FBXL13: variants seen among roughly 807,000 people sequenced by gnomAD.
FBXL13 encodes the protein F-box and leucine rich repeat protein 13.
Under a neutral mutation model 83.6 loss-of-function variants are expected in FBXL13, and 67 were observed. The ratio of observed to expected loss-of-function variants is 0.80; its 90% CI spans 0.66 to 0.98. The LOEUF (loss-of-function observed/expected upper bound fraction) is 0.98. Ranked by LOEUF, FBXL13 falls within the 50% of genes least tolerant of loss-of-function variation. FBXL13 has a pLI of 0.00. For missense variants in FBXL13, 822 were observed against 866.5 expected (o/e 0.95, Z 0.64); for synonymous variants, 272 against 299.5 (o/e 0.91, Z 0.95).
At chr7:103,061,810 C>G (rs1401913198) in intron 1 of FBXL13, among the ~76,000 whole-genome samples, 1 of 151,690 alleles carries the variant, frequency 6.6e-6, no homozygotes, top group African/African-American at 2.4e-5. Context: ...TGGTGGCAGG[C>G]GCCGGTAGTC....
chr7:102,974,115 G>T (rs956588987), intron 6 of FBXL13, among the ~76,000 whole-genome samples: 2 of 152,186 alleles, frequency 1.3e-5, no homozygotes, highest in African/African-American at 4.8e-5. Context: ...ACCTGGCCAG[G>T]TGCGGTGGCT....
At position 103,037,843 on chromosome 7, in the gene FBXL13, G is replaced by C. The variant is rs146884773; in HGVS notation, c.1-8425C>G. On this transcript the variant is annotated intron_variant, in intron 2 of 19. Coordinates refer to ENST00000313221, the Ensembl canonical transcript of FBXL13. ...TTTTGGGCATGCTTCCAAGATGGCC[G>C]AATAGAAACAGCTCCGGTCTGCAGC... is the stretch of plus-strand genomic sequence containing the variant. 2.2e-3 allele frequency among the ~76,000 whole-genome samples: 330 copies of C among 152,136 alleles called. 2 individuals are homozygous for C. Among genetic ancestry groups the C allele is most frequent in the African/African-American group, 7.5e-3 (313 of 41,528 alleles).
intron 6 of FBXL13, among the ~76,000 whole-genome samples, chr7:103,023,288 A>G (rs1793438106): frequency 6.6e-6 from 1 of 152,028 alleles, no homozygotes; most frequent in African/African-American, 2.4e-5. Context: ...ACAAAACAAA[A>G]CAAAACAGAA....
chr7:102,837,044 AT>A (rs1404375150), intron 17 of FBXL13, among the ~76,000 whole-genome samples: 1 of 152,250 alleles, frequency 6.6e-6, no homozygotes, highest in Non-Finnish European at 1.5e-5. Context: ...AAAGGCTAAA[AT>A]GCAACTTCCA....
At chr7:102,960,469 C>A (rs547826596) in intron 8 of FBXL13, among the ~76,000 whole-genome samples, 3 of 152,052 alleles carry the variant, frequency 2.0e-5, no homozygotes, top group Non-Finnish European at 4.4e-5. Context: ...AGGGAATCCT[C>A]CCTAACTCAT....
chr7:102,839,838 A>G (rs1802617355), intron 17 of FBXL13, among the ~76,000 whole-genome samples: 1 of 151,976 alleles, frequency 6.6e-6, no homozygotes, highest in Non-Finnish European at 1.5e-5. Flanking sequence ...TATATATTAT[A>G]TATTTAAACA....
intron 2 of FBXL13, among the ~76,000 whole-genome samples, chr7:103,049,181 A>G (rs2129494676): frequency 6.6e-6 from 1 of 152,290 alleles, no homozygotes; most frequent in Non-Finnish European, 1.5e-5. Flanking sequence ...CCTTCTTTTC[A>G]TAGCTAGGTG....
intron 11 of FBXL13, among the ~76,000 whole-genome samples, chr7:102,885,859 C>G (rs747724253): frequency 5.9e-5 from 9 of 152,006 alleles, no homozygotes; most frequent in Non-Finnish European, 4.4e-5. Flanking sequence ...TGCCCCAGTG[C>G]CAGTTGTTGA....
At chr7:102,970,363 AAAG>A (rs758748009) in intron 6 of FBXL13, among the ~76,000 whole-genome samples, 6 of 152,198 alleles carry the variant, frequency 3.9e-5, no homozygotes, top group Non-Finnish European at 7.3e-5. Context: ...AAATGAATGA[AAAG>A]AAAAAAAGAG....
In FBXL13 at chr7:102,993,623, A is replaced by G. The variant is rs557176262; in HGVS notation, c.496-25506T>C. On this transcript the variant is annotated intron_variant, in intron 6 of 19. Transcript: ENST00000313221. ...AAGGAAAAAAAAAAACCAAACTTGT[A>G]TTTTCACGGAAAACAGTCTTTGCCA... Among the ~76,000 whole-genome samples the G allele has an allele frequency of 2.5e-3, 386 of 152,118 alleles. 2 individuals are homozygous for G. The highest frequency in any genetic ancestry group is 3.1e-3 in the Non-Finnish European group (208 of 67,982).
chr7:103,025,096 G>A, exon 6 of FBXL13: 1 of 1,611,790 alleles, frequency 6.2e-7, no homozygotes, highest in Non-Finnish European at 8.5e-7. Flanking sequence ...ACAGTGAAAT[G>A]TCACATTTTA....
intron 16 of FBXL13, among the ~76,000 whole-genome samples, chr7:102,863,843 A>G (rs6975451): frequency 0.19 from 28,900 of 152,000 alleles, 3,011 homozygotes; most frequent in East Asian, 0.43. Flanking sequence ...CCAAATAAAA[A>G]ACCTGAGCAT....
chr7:102,981,153 T>A (rs1828162911), intron 6 of FBXL13, among the ~76,000 whole-genome samples: 1 of 152,118 alleles, frequency 6.6e-6, no homozygotes, highest in South Asian at 2.1e-4. Flanking sequence ...TAGTCCTATG[T>A]TCAGAGAGGT....
chr7:102,843,838 A>G (rs1803456473), intron 17 of FBXL13, among the ~76,000 whole-genome samples: 1 of 152,196 alleles, frequency 6.6e-6, no homozygotes, highest in Non-Finnish European at 1.5e-5. Context: ...AGCAAGATTG[A>G]GGGTCTCAAA....
At chr7:103,054,952 A>G (rs983228203) in intron 2 of FBXL13, 136 bp downstream of exon 3, 8 of 396,882 alleles carry the variant, frequency 2.0e-5, no homozygotes, top group Non-Finnish European at 2.8e-5. Context: ...GTGTGTGGCT[A>G]TTCCTTCACT....
chr7:102,938,814 T>C lies in FBXL13; in HGVS notation c.725-6881A>G, dbSNP rs536826840. On this transcript the variant is annotated intron_variant, in intron 8 of 19. Transcript: ENST00000313221. ...ACACAGCAAATGAGATTTTCCTGTG[T>C]TTTTCTAAGCCACACTAGGAAAGCC... Among the ~76,000 whole-genome samples, 13 of 152,320 alleles carry C rather than the reference T, an allele frequency of 8.5e-5. No homozygotes were observed. The East Asian group carries it at 2.5e-3, about 29-fold the overall frequency.
intron 8 of FBXL13, chr7:102,933,324 T>C (rs1317153062): frequency 1.3e-5 from 2 of 152,116 alleles, no homozygotes; most frequent in Admixed American, 6.5e-5. Flanking sequence ...GTCCTACCCT[T>C]GTGTGTGCAT....
At position 103,024,555 on chromosome 7, in the gene FBXL13, C is replaced by A. The variant is rs531740360; in HGVS notation, c.495+508G>T. 9.3e-5 allele frequency among the ~76,000 whole-genome samples: 13 copies of A among 139,398 alleles called. No homozygotes were observed. The South Asian group carries it at 1.4e-3, about 15-fold the overall frequency. 91.5% of individuals were successfully genotyped at this position (139,398 alleles called of 152,430 possible). On this transcript the variant is annotated intron_variant, in intron 6 of 19. Transcript: ENST00000313221. ...AAAAAAAAAAAAAAAAAAAAAAATT[C>A]TGTCACCAGAAGACTCCACAAGCAA... is the stretch of plus-strand genomic sequence containing the variant.
chr7:102,867,691 ATATATTTTT>A (rs1368844231), intron 16 of FBXL13, among the ~76,000 whole-genome samples: 125 of 71,544 alleles, frequency 1.7e-3, no homozygotes, highest in South Asian at 0.012. Flanking sequence ...ATATATATAT[ATATATTTTT>A]TTTTTTTTTT....
Sources: gnomAD v4.1 joint callset for allele counts (sites outside exome capture counted in the v4.1 genomes callset) on GRCh38, gnomAD v4.1.1 for gene constraint, MANE v1.5 for transcripts, NCBI Gene and HGNC (gene_info 2026-07-23, HGNC 2026-07-21) for gene names.